OSBP2: variants seen among roughly 807,000 people sequenced by gnomAD.
OSBP2 encodes oxysterol binding protein 2.
Under a neutral mutation model 96.0 loss-of-function variants are expected in OSBP2, and 66 were observed. The observed-to-expected ratio is 0.69, with a 90% CI of 0.56 to 0.84. OSBP2 has a LOEUF of 0.84. Ranked by LOEUF, OSBP2 falls within the 40% of genes least tolerant of loss-of-function variation. The pLI is 0.00. For synonymous variants in OSBP2, 525 were observed against 520.9 expected, an observed-to-expected ratio of 1.01 and a Z score of -0.11; for missense variants, 1,038 against 1,222.7, an observed-to-expected ratio of 0.85 and a Z score of 2.25.
At chr22:30,866,969 C>A (rs146768093) in intron 2 of OSBP2, among the ~76,000 whole-genome samples, 37 of 152,314 alleles carry the variant, frequency 2.4e-4, no homozygotes, top group African/African-American at 8.9e-4. Context: ...AGGCCCACCC[C>A]CTTGTGCTCA....
At chr22:30,735,368 T>G (rs1235197170) in intron 1 of OSBP2, among the ~76,000 whole-genome samples, 4 of 151,888 alleles carry the variant, frequency 2.6e-5, no homozygotes, top group African/African-American at 9.7e-5. Flanking sequence ...CAACTTCTAT[T>G]TCATTAAATT....
At chr22:30,854,653 A>G (rs1602361631) in intron 2 of OSBP2, among the ~76,000 whole-genome samples, 1 of 152,064 alleles carries the variant, frequency 6.6e-6, no homozygotes, top group African/African-American at 2.4e-5. Flanking sequence ...AAAAAAAAAA[A>G]AAGCACCTTT....
chr22:30,794,246 C>G (rs1327859439), intron 2 of OSBP2, among the ~76,000 whole-genome samples: 2 of 148,878 alleles, frequency 1.3e-5, no homozygotes, highest in Non-Finnish European at 3.0e-5. Flanking sequence ...TTATCTTATT[C>G]TCTCCTCCTC....
At chr22:30,794,545 G>A (rs933106139) in intron 2 of OSBP2, among the ~76,000 whole-genome samples, 6 of 151,786 alleles carry the variant, frequency 4.0e-5, no homozygotes, top group Admixed American at 6.6e-5. Context: ...GATTACAGGC[G>A]TGAGCCACCA....
intron 2 of OSBP2, chr22:30,842,810 C>G (rs954820604): frequency 6.6e-6 from 1 of 152,482 alleles, no homozygotes; most frequent in Non-Finnish European, 1.5e-5. Flanking sequence ...GAGTCTGGCT[C>G]TGTCATCCAG....
chr22:30,873,032 A>G (rs2039492040), intron 3 of OSBP2, among the ~76,000 whole-genome samples: 1 of 152,042 alleles, frequency 6.6e-6, no homozygotes, highest in Admixed American at 6.5e-5. Flanking sequence ...TGCTGCTCCC[A>G]CCTCCAAACC....
chr22:30,695,253 G>A lies in OSBP2; in HGVS notation c.344G>A (p.Gly115Glu). ...RPGSESSSGV[G>E]AGPFTKAASE... ...GGGTCAGAGTCAAGCTCAGGTGTAG[G>A]GGCTGGGCCCTTCACTAAGGCCGCA... The change falls in exon 1 of 14, where the codon GGG becomes GAG. Residue 115 changes from glycine to glutamate, a missense_variant. Gly to Glu is a moderately conservative substitution (Grantham distance 98). Transcript: ENST00000332585. 2 of 1,613,514 alleles carry A rather than the reference G, an allele frequency of 1.2e-6. No homozygotes were observed.
At chr22:30,717,118 G>A (rs1221966036) in intron 1 of OSBP2, among the ~76,000 whole-genome samples, 1 of 147,630 alleles carries the variant, frequency 6.8e-6, no homozygotes. Context: ...GTGTGTGTGT[G>A]TGTGTGTGTG....
chr22:30,784,028 C>A (rs768033339), intron 2 of OSBP2, among the ~76,000 whole-genome samples: 3 of 152,154 alleles, frequency 2.0e-5, no homozygotes, highest in Non-Finnish European at 4.4e-5. Context: ...GGCATCTTTA[C>A]GATTGACGTA....
intron 1 of OSBP2, among the ~76,000 whole-genome samples, chr22:30,723,606 G>T (rs974022999): frequency 2.0e-5 from 3 of 151,688 alleles, no homozygotes; most frequent in African/African-American, 4.8e-5. Flanking sequence ...TAGAGACGGG[G>T]TTTCACCATG....
At chr22:30,832,222 T>C (rs2038536623) in intron 2 of OSBP2, among the ~76,000 whole-genome samples, 1 of 152,202 alleles carries the variant, frequency 6.6e-6, no homozygotes, top group South Asian at 2.1e-4. Flanking sequence ...CCTTAATGTA[T>C]CCAGAATTGA....
In OSBP2 at chr22:30,893,677, C is replaced by T. The variant is rs753468731; in HGVS notation, c.2134C>T (p.Arg712Trp). The stretch of plus-strand genomic sequence containing the variant: ...GATTGTGAACCATAAGACCAATGAC[C>T]GGTGCCAGCTGAAGTTCCTGCCCTA... The part of the protein sequence containing the change: ...IEIVNHKTND[R>W]CQLKFLPYSY... The change falls in exon 11 of 14, where the codon CGG becomes TGG. Residue 712 changes from arginine to tryptophan, a missense_variant. Physicochemically the swap from Arg to Trp is moderately radical, Grantham distance 101 (BLOSUM62 -3). Transcript: ENST00000332585. 16 of 1,614,080 alleles carry T rather than the reference C, an allele frequency of 9.9e-6. No individual in the cohort carries two copies. The highest frequency in any genetic ancestry group is 7.7e-5 in the South Asian group (7 of 91,090).
chr22:30,698,478 C>T (rs1378109872), intron 1 of OSBP2, among the ~76,000 whole-genome samples: 2 of 148,474 alleles, frequency 1.3e-5, no homozygotes, highest in Non-Finnish European at 3.0e-5. Flanking sequence ...CTTGCTCTGT[C>T]GCCAGGCTGG....
chr22:30,881,092 C>T lies in OSBP2; in HGVS notation c.1108-6334C>T, dbSNP rs2039693898. 6.6e-6 allele frequency among the ~76,000 whole-genome samples: 1 copy of T among 152,156 alleles called. No homozygotes were observed. Among genetic ancestry groups the T allele is most frequent in the Non-Finnish European group, 1.5e-5 (1 of 68,014 alleles). On this transcript the variant is annotated intron_variant, in intron 3 of 13. Coordinates refer to ENST00000332585, the MANE Select transcript of OSBP2 (RefSeq NM_030758.4). The surrounding 1 kb of genome is among the most constrained non-coding windows in gnomAD (Gnocchi z 4.5). Reference sequence around the variant, plus strand: ...GGGGCAACTCGACAGGCTCCCTGCCCTCCCCATGGAGACAGGACCACACTG... The same window carrying T: ...GGGGCAACTCGACAGGCTCCCTGCCTTCCCCATGGAGACAGGACCACACTG...
intron 2 of OSBP2, among the ~76,000 whole-genome samples, chr22:30,790,627 AC>A (rs2090660723): frequency 6.6e-6 from 1 of 151,226 alleles, no homozygotes; most frequent in South Asian, 2.1e-4. Context: ...GCAAAAGCAA[AC>A]CTGAAGAGAT....
chr22:30,747,768 C>T (rs978185748), intron 2 of OSBP2, among the ~76,000 whole-genome samples: 4 of 152,200 alleles, frequency 2.6e-5, no homozygotes, highest in East Asian at 1.9e-4. Flanking sequence ...GTCCCATCTT[C>T]GGAGCTCAGC....
At chr22:30,825,221 T>C (rs904228626) in intron 2 of OSBP2, among the ~76,000 whole-genome samples, 1 of 152,080 alleles carries the variant, frequency 6.6e-6, no homozygotes, top group Non-Finnish European at 1.5e-5. Context: ...GGCATGGTGG[T>C]TCATGCCTGT....
chr22:30,907,218 T>C lies in OSBP2; in HGVS notation c.*879T>C, dbSNP rs1272419411. ...AACAAACCCTTGGCCCAGCCTGGGC[T>C]GGTGACCTGGGCACCAGAGACCTTG... is the stretch of plus-strand genomic sequence containing the variant. On this transcript the variant is annotated 3_prime_UTR_variant, in exon 14 of 14. Coordinates refer to ENST00000332585, the MANE Select transcript of OSBP2 (RefSeq NM_030758.4). 6.6e-6 allele frequency: 1 copy of C among 152,620 alleles called. No homozygotes were observed. The highest frequency in any genetic ancestry group is 1.5e-5 in the Non-Finnish European group (1 of 68,060). The allele number at this position is 152,620 out of a possible 1,614,324, so 9.5% of individuals were successfully genotyped here.
chr22:30,881,930 C>A lies in OSBP2; in HGVS notation c.1108-5496C>A. The A allele has an allele frequency of 2.7e-6, 2 of 749,120 alleles. No individual in the cohort carries two copies. Among genetic ancestry groups the A allele is most frequent in the Non-Finnish European group, 3.9e-6 (2 of 516,762 alleles). 46.4% of individuals were successfully genotyped at this position (749,120 alleles called of 1,614,324 possible). ...TGAGGCCTTTGATATTAGGGCACAG[C>A]AGTTTTCACCCTGCCCCGCTTTTAG... On this transcript the variant is annotated intron_variant, in intron 3 of 13. Coordinates refer to ENST00000332585, the MANE Select transcript of OSBP2 (RefSeq NM_030758.4). This position sits in a 1 kb window ranked among gnomAD's most constrained non-coding sequence, Gnocchi z 4.5.
Sources: gnomAD v4.1 joint callset for allele counts (sites outside exome capture counted in the v4.1 genomes callset) on GRCh38, gnomAD v4.1.1 for gene constraint, Gnocchi (gnomAD v3.1) non-coding constraint, MANE v1.5 for transcripts, NCBI Gene and HGNC (gene_info 2026-07-23, HGNC 2026-07-21) for gene names.